The following NUBPL variants were observed in gnomAD, a reference collection of about 807,000 sequenced individuals.
The protein encoded by NUBPL is iron-sulfur cluster transfer protein NUBPL.
NUBPL carries 31 observed loss-of-function variants against 45.7 expected under a neutral mutation model. That is an observed-to-expected ratio of 0.68 (90% CI 0.51 to 0.92). The LOEUF (loss-of-function observed/expected upper bound fraction) is 0.92, where lower values mean the gene tolerates loss of function less well. Among genes scored for constraint, NUBPL ranks in the 40% least tolerant of loss-of-function variants. The pLI, the probability that NUBPL is intolerant of heterozygous loss-of-function variation, is 0.00. For synonymous variants in NUBPL, 144 were observed against 140.9 expected (o/e 1.02, Z -0.15); for missense variants, 401 against 398.7 (o/e 1.01, Z -0.05).
At chr14:31,691,114 C>T (rs2037083827) in intron 6 of NUBPL, among the ~76,000 whole-genome samples, 1 of 152,132 alleles carries the variant, frequency 6.6e-6, no homozygotes, top group Non-Finnish European at 1.5e-5. Context: ...ACTGAGCCCC[C>T]TAAGTACTTC....
At chr14:31,737,891 ATTC>A (rs1368663185) in intron 6 of NUBPL, among the ~76,000 whole-genome samples, 3 of 152,274 alleles carry the variant, frequency 2.0e-5, no homozygotes, top group Admixed American at 6.5e-5. Flanking sequence ...TGAACCAATA[ATTC>A]TTCTATTTCT....
intron 4 of NUBPL, among the ~76,000 whole-genome samples, chr14:31,664,024 T>A (rs1005687440): frequency 1.3e-5 from 2 of 152,218 alleles, no homozygotes; most frequent in Non-Finnish European, 2.9e-5. Flanking sequence ...TCACTCATGA[T>A]TTGGCTCTCT....
chr14:31,821,125 AAAATAAAT>A (rs71439870), intron 7 of NUBPL, among the ~76,000 whole-genome samples: 26 of 150,590 alleles, frequency 1.7e-4, no homozygotes, highest in African/African-American at 5.6e-4. Context: ...CTCCATCTCA[AAAATAAAT>A]AAATAAATAA....
chr14:31,764,412 G>A (rs1193346371), intron 6 of NUBPL, among the ~76,000 whole-genome samples: 2 of 152,100 alleles, frequency 1.3e-5, no homozygotes, highest in Admixed American at 1.3e-4. Flanking sequence ...GTTCATTGCT[G>A]TGTCCCCAGT....
chr14:31,760,087 G>A (rs2038765905), intron 6 of NUBPL, among the ~76,000 whole-genome samples: 1 of 145,784 alleles, frequency 6.9e-6, no homozygotes, highest in Admixed American at 7.0e-5. Flanking sequence ...TAGAGTTCCT[G>A]AACTCTATTA....
At chr14:31,643,483 A>G (rs1311307647) in intron 4 of NUBPL, among the ~76,000 whole-genome samples, 1 of 152,168 alleles carries the variant, frequency 6.6e-6, no homozygotes, top group East Asian at 1.9e-4. Flanking sequence ...CCATTCTTGT[A>G]TCCCTGGGAT....
At chr14:31,718,255 A>G (rs2037732307) in intron 6 of NUBPL, among the ~76,000 whole-genome samples, 1 of 152,166 alleles carries the variant, frequency 6.6e-6, no homozygotes, top group African/African-American at 2.4e-5. Context: ...TATTGAATGA[A>G]CAATTGCTGC....
intron 6 of NUBPL, among the ~76,000 whole-genome samples, chr14:31,756,020 C>T (rs368982720): frequency 6.6e-6 from 1 of 152,024 alleles, no homozygotes; most frequent in Non-Finnish European, 1.5e-5. Context: ...GATAATGCGG[C>T]GTTATTTCTG....
intron 4 of NUBPL, among the ~76,000 whole-genome samples, chr14:31,632,241 A>G (rs1436159609): frequency 6.6e-6 from 1 of 152,198 alleles, no homozygotes; most frequent in South Asian, 2.1e-4. Flanking sequence ...TACTGTCCCT[A>G]CACCTGAAGA....
At chr14:31,778,920 C>G (rs2039143726) in intron 6 of NUBPL, among the ~76,000 whole-genome samples, 1 of 152,142 alleles carries the variant, frequency 6.6e-6, no homozygotes, top group Non-Finnish European at 1.5e-5. Context: ...TTACCTTTGG[C>G]TAAAAGACAT....
intron 6 of NUBPL, among the ~76,000 whole-genome samples, chr14:31,711,999 A>T (rs1354394480): frequency 1.3e-5 from 2 of 152,294 alleles, no homozygotes; most frequent in Non-Finnish European, 2.9e-5. Context: ...AAGGTGGTGC[A>T]GACCCAAAGA....
chr14:31,730,463 CTTT>C (rs1219334725), intron 6 of NUBPL, among the ~76,000 whole-genome samples: 5 of 137,856 alleles, frequency 3.6e-5, no homozygotes, highest in African/African-American at 2.7e-5. Flanking sequence ...ATCAAGTAAT[CTTT>C]TTTTTTTTTT....
chr14:31,841,239 G>A (rs997063639), intron 8 of NUBPL, among the ~76,000 whole-genome samples: 2 of 152,152 alleles, frequency 1.3e-5, no homozygotes, highest in Non-Finnish European at 2.9e-5. Context: ...GTATAAACAT[G>A]TATCAGTTTA....
intron 4 of NUBPL, among the ~76,000 whole-genome samples, chr14:31,648,996 G>T (rs923403899): frequency 3.6e-4 from 54 of 152,060 alleles, no homozygotes; most frequent in African/African-American, 1.2e-3. Flanking sequence ...TTTTAGTAGA[G>T]ACGGGGTTTC....
chr14:31,637,598 G>A (rs9796350), intron 4 of NUBPL, among the ~76,000 whole-genome samples: 94,363 of 152,000 alleles, frequency 0.62, 30,126 homozygotes, highest in African/African-American at 0.77. Context: ...GTAGATGTCT[G>A]TTAGGTCCAC....
intron 6 of NUBPL, among the ~76,000 whole-genome samples, chr14:31,773,394 C>T (rs2039043755): frequency 6.6e-6 from 1 of 152,096 alleles, no homozygotes; most frequent in South Asian, 2.1e-4. Flanking sequence ...TGAATGAACA[C>T]TGGTTAGATA....
chr14:31,834,241 T>C (rs957776563), intron 8 of NUBPL, among the ~76,000 whole-genome samples: 2 of 139,994 alleles, frequency 1.4e-5, no homozygotes, highest in East Asian at 2.2e-4. Context: ...AGTGCAGTGG[T>C]GTAATCTTGG....
At position 31,638,137 on chromosome 14, in the gene NUBPL, T is replaced by G. The variant is rs552552735; in HGVS notation, c.383-35218T>G. Among the ~76,000 whole-genome samples the G allele has an allele frequency of 5.8e-4, 89 of 152,286 alleles. 1 individual carries two copies. Among genetic ancestry groups the G allele is most frequent in the African/African-American group, 1.9e-3 (79 of 41,560 alleles). ...TGAATTTGATCCTGTCATTATGATG[T>G]TAGCTGCTTATTTTGCTTGTTAGTT... On this transcript the variant is annotated intron_variant, in intron 4 of 10. Transcript: ENST00000281081.
chr14:31,633,315 A>G (rs370043191), intron 4 of NUBPL, among the ~76,000 whole-genome samples: 19 of 152,348 alleles, frequency 1.2e-4, no homozygotes, highest in South Asian at 4.1e-4. Context: ...ACAGATTATC[A>G]CCAAACATAT....
Sources: gnomAD v4.1 joint callset for allele counts (sites outside exome capture counted in the v4.1 genomes callset) on GRCh38, gnomAD v4.1.1 for gene constraint, MANE v1.5 for transcripts, NCBI Gene and HGNC (gene_info 2026-07-23, HGNC 2026-07-21) for gene names.